EPS8: variants seen among roughly 807,000 people sequenced by gnomAD.
EPS8 encodes epidermal growth factor receptor kinase substrate 8.
Under a neutral mutation model 103.8 loss-of-function variants are expected in EPS8, and 42 were observed. That is an observed-to-expected ratio of 0.40 (90% CI 0.32 to 0.52). EPS8 has a LOEUF of 0.52. Among genes scored for constraint, EPS8 ranks in the 20% least tolerant of loss-of-function variants. The pLI is 0.40. For missense variants in EPS8, 969 were observed against 1,005.1 expected (o/e 0.96, Z 0.49); for synonymous variants, 344 against 344.6 (o/e 1.00, Z 0.02).
chr12:15,739,595 CT>C (rs1257750391), intron 1 of EPS8, among the ~76,000 whole-genome samples: 1 of 152,098 alleles, frequency 6.6e-6, no homozygotes, highest in African/African-American at 2.4e-5. Flanking sequence ...ACTCCAGGGT[CT>C]CTGGTTTTTG....
At position 15,638,147 on chromosome 12, in the gene EPS8, C is replaced by T. The variant is rs547246871; in HGVS notation, c.1821+2556G>A. On this transcript the variant is annotated intron_variant, in intron 17 of 20. Coordinates refer to ENST00000281172, the MANE Select transcript of EPS8 (RefSeq NM_004447.6). ...TATCTGGTGTTGTAGAGATATAAAACAGTAGATATGGGTATCTACTGTTGT... is the reference window on the plus strand; with the variant it reads ...TATCTGGTGTTGTAGAGATATAAAATAGTAGATATGGGTATCTACTGTTGT... 5.0e-4 allele frequency among the ~76,000 whole-genome samples: 76 copies of T among 151,952 alleles called. 1 individual carries two copies. The highest frequency in any genetic ancestry group is 1.8e-3 in the African/African-American group (76 of 41,438).
At chr12:15,663,390 G>C (rs1945642014) in intron 8 of EPS8, among the ~76,000 whole-genome samples, 1 of 152,082 alleles carries the variant, frequency 6.6e-6, no homozygotes, top group Non-Finnish European at 1.5e-5. Flanking sequence ...AGTTCAGCCT[G>C]AGTCAGCTGG....
intron 1 of EPS8, among the ~76,000 whole-genome samples, chr12:15,699,641 A>G (rs1946287261): frequency 6.6e-6 from 1 of 152,246 alleles, no homozygotes; most frequent in East Asian, 1.9e-4. Context: ...ACTTTAGTGT[A>G]CCATTCGAGG....
At position 15,651,008 on chromosome 12, in the gene EPS8, T is replaced by G. The variant is rs1170357672; in HGVS notation, c.1251-2A>C. 1 of 1,610,928 alleles carries G rather than the reference T, an allele frequency of 6.2e-7. No homozygotes were observed. Among genetic ancestry groups the G allele is most frequent in the East Asian group, 2.2e-5 (1 of 44,858 alleles). Reference sequence around the variant, plus strand: ...AACTGTTCTTTTGGCCACTCTGCTCTGCAGGAGGGAATGAAGGCATATAAA... The same window carrying G: ...AACTGTTCTTTTGGCCACTCTGCTCGGCAGGAGGGAATGAAGGCATATAAA... On this transcript the variant is annotated splice_acceptor_variant, in intron 13 of 20. Transcript: ENST00000281172. LOFTEE classifies it high-confidence loss of function.
chr12:15,696,581 C>T lies in EPS8; in HGVS notation c.-21-13609G>A, dbSNP rs1479423228. Reference sequence around the variant, plus strand: ...GCTTGAACCCAGGAGGCGGAGGTTGCAGTGAGCCAAGATCGCACCATTGAA... The same window carrying T: ...GCTTGAACCCAGGAGGCGGAGGTTGTAGTGAGCCAAGATCGCACCATTGAA... On this transcript the variant is annotated intron_variant, in intron 1 of 20. Coordinates refer to ENST00000281172, the MANE Select transcript of EPS8 (RefSeq NM_004447.6). This position sits in a 1 kb window ranked among gnomAD's most constrained non-coding sequence, Gnocchi z 4.8. 6.6e-6 allele frequency among the ~76,000 whole-genome samples: 1 copy of T among 152,048 alleles called. No homozygotes were observed. Among genetic ancestry groups the T allele is most frequent in the Non-Finnish European group, 1.5e-5 (1 of 68,000 alleles).
Position 15,640,853 on chromosome 12 carries a change from T to A in EPS8, c.1678-7A>T. The A allele has an allele frequency of 1.2e-6, 2 of 1,612,626 alleles. No homozygotes were observed. The highest frequency in any genetic ancestry group is 1.7e-6 in the Non-Finnish European group (2 of 1,179,594). ...GCTTCCGATCATCAAGTATCTGTCATGTACAAGAAAATAAAGGTATAATTT... is the reference window on the plus strand; with the variant it reads ...GCTTCCGATCATCAAGTATCTGTCAAGTACAAGAAAATAAAGGTATAATTT... On this transcript the variant is annotated splice_region_variant and splice_polypyrimidine_tract_variant and intron_variant, in intron 16 of 20. Transcript: ENST00000281172.
chr12:15,724,644 C>A (rs1244407762), intron 1 of EPS8, among the ~76,000 whole-genome samples: 1 of 152,146 alleles, frequency 6.6e-6, no homozygotes, highest in Non-Finnish European at 1.5e-5. Context: ...ATGGGAGGGA[C>A]CTGGTGGGAG....
intron 19 of EPS8, among the ~76,000 whole-genome samples, chr12:15,623,886 AG>A (rs1944900821): frequency 6.6e-6 from 1 of 152,192 alleles, no homozygotes; most frequent in South Asian, 2.1e-4. Flanking sequence ...TATGTGGTCT[AG>A]GAAGTTCAGC....
chr12:15,708,225 G>A (rs1946414460), intron 1 of EPS8, among the ~76,000 whole-genome samples: 1 of 152,100 alleles, frequency 6.6e-6, no homozygotes, highest in Admixed American at 6.5e-5. Context: ...ATTGACCATG[G>A]GCAAGTTAAT....
rs1028445400 is a variant in EPS8, at chr12:15,739,708, G to A, written c.-22+49453C>T. Among the ~76,000 whole-genome samples, 10 of 152,134 alleles carry A rather than the reference G, an allele frequency of 6.6e-5. No homozygotes were observed. In the South Asian group the frequency reaches 1.5e-3, roughly 22 times the overall value. The stretch of plus-strand genomic sequence containing the variant: ...TTCTCCAGCTTGCAGATGGCCTATC[G>A]TGGGACTTCTCAGCCTCCACAATTG... On this transcript the variant is annotated intron_variant, in intron 1 of 20. Coordinates refer to ENST00000281172, the MANE Select transcript of EPS8 (RefSeq NM_004447.6).
chr12:15,747,202 A>G lies in EPS8; in HGVS notation c.-22+41959T>C, dbSNP rs1292826946. 6.6e-6 allele frequency among the ~76,000 whole-genome samples: 1 copy of G among 152,196 alleles called. No homozygotes were observed. The highest frequency in any genetic ancestry group is 2.4e-5 in the African/African-American group (1 of 41,438). ...GATTATTTGCTGTACACATTTGGAT[A>G]TTAACTTTAAAACTTAACCTGTATA... is the stretch of plus-strand genomic sequence containing the variant. On this transcript the variant is annotated intron_variant, in intron 1 of 20. Coordinates refer to ENST00000281172, the MANE Select transcript of EPS8 (RefSeq NM_004447.6). This position sits in a 1 kb window ranked among gnomAD's most constrained non-coding sequence, Gnocchi z 4.4.
At position 15,717,458 on chromosome 12, in the gene EPS8, G is replaced by A. The variant is rs1057220196; in HGVS notation, c.-21-34486C>T. On this transcript the variant is annotated intron_variant, in intron 1 of 20. Coordinates refer to ENST00000281172, the MANE Select transcript of EPS8 (RefSeq NM_004447.6). The surrounding 1 kb of genome is among the most constrained non-coding windows in gnomAD (Gnocchi z 4.3). ...AAAAATTAGCTGGGCGCGGTGGCACGTGCCTGTAATCCCAGCTACTTGGGA... is the reference window on the plus strand; with the variant it reads ...AAAAATTAGCTGGGCGCGGTGGCACATGCCTGTAATCCCAGCTACTTGGGA... Among the ~76,000 whole-genome samples the A allele has an allele frequency of 4.6e-5, 7 of 152,010 alleles. No homozygotes were observed. Among genetic ancestry groups the A allele is most frequent in the Non-Finnish European group, 7.4e-5 (5 of 68,010 alleles).
intron 1 of EPS8, among the ~76,000 whole-genome samples, chr12:15,691,409 A>T (rs1176204852): frequency 1.3e-5 from 2 of 152,078 alleles, no homozygotes; most frequent in Non-Finnish European, 2.9e-5. Flanking sequence ...AAAGAAAGAT[A>T]ATGACTTTTA....
intron 1 of EPS8, among the ~76,000 whole-genome samples, chr12:15,707,400 C>T (rs2135950532): frequency 1.3e-5 from 2 of 152,262 alleles, no homozygotes; most frequent in South Asian, 4.1e-4. Context: ...TTCATCATTA[C>T]TCATCGATTC....
At chr12:15,709,624 C>T (rs567037555) in intron 1 of EPS8, among the ~76,000 whole-genome samples, 1 of 152,290 alleles carries the variant, frequency 6.6e-6, no homozygotes, top group South Asian at 2.1e-4. Context: ...GCCCAATTGG[C>T]TTTTAGAATC....
chr12:15,736,033 G>A lies in EPS8; in HGVS notation c.-21-53061C>T, dbSNP rs556594046. On this transcript the variant is annotated intron_variant, in intron 1 of 20. Coordinates refer to ENST00000281172, the MANE Select transcript of EPS8 (RefSeq NM_004447.6). The surrounding 1 kb of genome is among the most constrained non-coding windows in gnomAD (Gnocchi z 4.2). ...CCCAAGTAGCTAGGACTACAGGTGC[G>A]TACCACCATACCCAGCTAATTTTTA... 4.6e-5 allele frequency among the ~76,000 whole-genome samples: 7 copies of A among 152,110 alleles called. No homozygotes were observed. The highest frequency in any genetic ancestry group is 2.1e-4 in the South Asian group (1 of 4,814).
At chr12:15,674,924 G>T (rs1201129979) in intron 3 of EPS8, among the ~76,000 whole-genome samples, 1 of 152,068 alleles carries the variant, frequency 6.6e-6, no homozygotes, top group Non-Finnish European at 1.5e-5. Context: ...AAGAGAAACA[G>T]GTTTTAACTC....
chr12:15,705,719 T>G (rs1031996445), intron 1 of EPS8, among the ~76,000 whole-genome samples: 2 of 152,222 alleles, frequency 1.3e-5, no homozygotes, highest in Non-Finnish European at 2.9e-5. Flanking sequence ...AATCAGTTGT[T>G]GACTGCAATA....
intron 10 of EPS8, among the ~76,000 whole-genome samples, chr12:15,659,702 T>C (rs1444943905): frequency 6.6e-6 from 1 of 152,184 alleles, no homozygotes; most frequent in African/African-American, 2.4e-5. Flanking sequence ...GGGATATTTA[T>C]TTACTATTTT....
Sources: gnomAD v4.1 joint callset for allele counts (sites outside exome capture counted in the v4.1 genomes callset) on GRCh38, gnomAD v4.1.1 for gene constraint, Gnocchi (gnomAD v3.1) non-coding constraint, MANE v1.5 for transcripts, NCBI Gene and HGNC (gene_info 2026-07-23, HGNC 2026-07-21) for gene names.